Variants in DOCK3 observed in about 807,000 individuals in gnomAD.
DOCK3 encodes the protein dedicator of cytokinesis 3, also known as dedicator of cytokinesis protein 3.
Under a neutral mutation model 265.6 loss-of-function variants are expected in DOCK3, and 60 were observed. That is an observed-to-expected ratio of 0.23 (90% CI 0.18 to 0.28). The LOEUF (loss-of-function observed/expected upper bound fraction) is 0.28. Among genes scored for constraint, DOCK3 ranks in the 10% least tolerant of loss-of-function variants. DOCK3 has a pLI of 1.00. For synonymous variants in DOCK3, 881 were observed against 938.0 expected, an observed-to-expected ratio of 0.94 and a Z score of 1.11; for missense variants, 1,981 against 2,594.3, an observed-to-expected ratio of 0.76 and a Z score of 5.14.
chr3:50,684,434 T>C (rs1302971948), intron 1 of DOCK3, among the ~76,000 whole-genome samples: 3 of 152,236 alleles, frequency 2.0e-5, no homozygotes, highest in African/African-American at 4.8e-5. Flanking sequence ...CCTAATAATA[T>C]TTGATTGTTA....
chr3:51,310,304 G>T lies in DOCK3; in HGVS notation c.2995G>T (p.Val999Leu). ...GAGTGTCTTCCCTCGGGACTGGATG[G>T]TAATGAGACTGCTCACAAGCAAGTA... Reference protein sequence around the residue: ...KMSVFPRDWMVMRLLTSNIIV... With the variant: ...KMSVFPRDWMLMRLLTSNIIV... The change falls in exon 28 of 53, where the codon GTA becomes TTA. Residue 999 changes from valine to leucine, a missense_variant. By Grantham distance (32) the Val-to-Leu change is conservative. Around this residue, in one of 4 missense-constraint regions of DOCK3, gnomAD observed 1,357 missense variants for 1,866.8 expected, o/e 0.73. Transcript: ENST00000266037. The T allele has an allele frequency of 2.5e-6, 4 of 1,602,120 alleles. No homozygotes were observed. Among genetic ancestry groups the T allele is most frequent in the Non-Finnish European group, 3.4e-6 (4 of 1,174,290 alleles).
intron 23 of DOCK3, among the ~76,000 whole-genome samples, chr3:51,262,869 A>C (rs570759418): frequency 6.6e-6 from 1 of 152,334 alleles, no homozygotes; most frequent in East Asian, 1.9e-4. Flanking sequence ...AAGATTAGAG[A>C]AAAAAGAATG....
intron 5 of DOCK3, among the ~76,000 whole-genome samples, chr3:51,056,471 A>G (rs2081204472): frequency 6.6e-6 from 1 of 152,056 alleles, no homozygotes; most frequent in African/African-American, 2.4e-5. Flanking sequence ...GATGGTCTCG[A>G]TGTCCTGACC....
chr3:51,091,247 G>T (rs1422298828), intron 9 of DOCK3, among the ~76,000 whole-genome samples: 3 of 152,196 alleles, frequency 2.0e-5, no homozygotes, highest in Non-Finnish European at 4.4e-5. Flanking sequence ...TGTGGATATA[G>T]ATTCTGGCTG....
At chr3:51,258,372 G>A (rs779355223) in intron 22 of DOCK3, among the ~76,000 whole-genome samples, 7 of 152,064 alleles carry the variant, frequency 4.6e-5, no homozygotes, top group Non-Finnish European at 8.8e-5. Flanking sequence ...TGCATCTTCC[G>A]GGGCTTGGGC....
At chr3:51,125,711 TA>T (rs915888939) in intron 9 of DOCK3, among the ~76,000 whole-genome samples, 4 of 151,960 alleles carry the variant, frequency 2.6e-5, no homozygotes, top group Admixed American at 6.6e-5. Context: ...TGGCAAACTA[TA>T]AAAAAAACTT....
At chr3:51,230,366 C>T (rs2090493733) in intron 19 of DOCK3, among the ~76,000 whole-genome samples, 1 of 152,140 alleles carries the variant, frequency 6.6e-6, no homozygotes, top group Non-Finnish European at 1.5e-5. Context: ...TGAGAACATG[C>T]AGTATTTGGT....
chr3:50,910,407 T>A lies in DOCK3; in HGVS notation c.218+20326T>A, dbSNP rs142207347. 6.8e-3 allele frequency among the ~76,000 whole-genome samples: 1,028 copies of A among 152,218 alleles called. 6 individuals carry two copies. The highest frequency in any genetic ancestry group is 0.024 in the Middle Eastern group (7 of 294). On this transcript the variant is annotated intron_variant, in intron 4 of 52. Transcript: ENST00000266037. Reference sequence around the variant, plus strand: ...CACAATCATTCCTTTGGCTGCCCCATCTCATGTGTCACTGGGTCATGTGCA... The same window carrying A: ...CACAATCATTCCTTTGGCTGCCCCAACTCATGTGTCACTGGGTCATGTGCA...
chr3:51,218,450 A>G (rs1213776065), intron 14 of DOCK3, among the ~76,000 whole-genome samples: 4 of 152,122 alleles, frequency 2.6e-5, no homozygotes, highest in African/African-American at 9.7e-5. Context: ...AAACCAAACC[A>G]AAACAAAAAA....
At chr3:50,807,508 T>C (rs1289453585) in intron 2 of DOCK3, among the ~76,000 whole-genome samples, 1 of 152,132 alleles carries the variant, frequency 6.6e-6, no homozygotes, top group Non-Finnish European at 1.5e-5. Flanking sequence ...GGATCAAATT[T>C]CAGCATGATG....
chr3:50,825,033 G>T (rs1332300426), intron 2 of DOCK3, among the ~76,000 whole-genome samples: 2 of 151,996 alleles, frequency 1.3e-5, no homozygotes, highest in Admixed American at 6.6e-5. Flanking sequence ...CAGGCACTTG[G>T]GCAGATTATA....
At chr3:51,181,948 G>A (rs534256947) in intron 12 of DOCK3, among the ~76,000 whole-genome samples, 2 of 152,180 alleles carry the variant, frequency 1.3e-5, no homozygotes, top group Non-Finnish European at 2.9e-5. Context: ...TTCTGCTGGT[G>A]TGAGGACAGG....
At chr3:51,286,477 G>A (rs1297657591) in intron 27 of DOCK3, among the ~76,000 whole-genome samples, 1 of 151,940 alleles carries the variant, frequency 6.6e-6, no homozygotes, top group Non-Finnish European at 1.5e-5. Flanking sequence ...TTTTTAAATT[G>A]ATATGGAATT....
chr3:51,209,621 CTTTGT>C (rs2089401458), intron 13 of DOCK3, among the ~76,000 whole-genome samples: 1 of 152,304 alleles, frequency 6.6e-6, no homozygotes, highest in African/African-American at 2.4e-5. Context: ...ACATAATCTT[CTTTGT>C]TTTAACTTTC....
At chr3:50,977,391 C>T (rs1009072990) in intron 5 of DOCK3, among the ~76,000 whole-genome samples, 1 of 151,998 alleles carries the variant, frequency 6.6e-6, no homozygotes, top group African/African-American at 2.4e-5. Context: ...TGTATTTCTC[C>T]TTCACTTATG....
At chr3:51,013,799 G>A (rs764873606) in intron 5 of DOCK3, among the ~76,000 whole-genome samples, 8 of 152,140 alleles carry the variant, frequency 5.3e-5, no homozygotes, top group South Asian at 2.1e-4. Flanking sequence ...AGAGACAGTC[G>A]GGCCTCATTG....
chr3:51,219,241 C>T (rs1424801869), intron 14 of DOCK3, among the ~76,000 whole-genome samples: 5 of 152,096 alleles, frequency 3.3e-5, no homozygotes, highest in Non-Finnish European at 7.3e-5. Flanking sequence ...TGTGCTGTCC[C>T]TTCATTTTCG....
chr3:51,120,214 A>G (rs978302353), intron 9 of DOCK3, among the ~76,000 whole-genome samples: 1 of 152,154 alleles, frequency 6.6e-6, no homozygotes, highest in African/African-American at 2.4e-5. Context: ...CCTTCTAACA[A>G]TCATGGCCCT....
At chr3:50,749,656 A>G (rs1474807786) in intron 1 of DOCK3, among the ~76,000 whole-genome samples, 3 of 152,158 alleles carry the variant, frequency 2.0e-5, no homozygotes, top group Non-Finnish European at 4.4e-5. Context: ...ATCCCATCAT[A>G]GAGACTCCTT....
Sources: allele counts gnomAD v4.1 joint callset (sites outside exome capture counted in the v4.1 genomes callset), GRCh38; gene constraint gnomAD v4.1.1; regional missense constraint gnomAD v4.1.1; transcripts MANE v1.5; gene names NCBI Gene and HGNC (gene_info 2026-07-23, HGNC 2026-07-21).